Variants in ELP4 observed in about 807,000 individuals in gnomAD.
ELP4 encodes elongator complex protein 4.
ELP4 carries 51 observed loss-of-function variants against 48.9 expected under a neutral mutation model. That is an observed-to-expected ratio of 1.04 (90% CI 0.83 to 1.32). ELP4 has a LOEUF of 1.32. ELP4 is among the 40% of genes most tolerant of loss of function. ELP4 has a pLI of 0.00. For missense variants in ELP4, 519 were observed against 514.6 expected (o/e 1.01, Z -0.08); for synonymous variants, 210 against 189.2 (o/e 1.11, Z -0.90).
chr11:31,778,881 G>A (rs1331547821), intron 9 of ELP4, among the ~76,000 whole-genome samples: 3 of 152,230 alleles, frequency 2.0e-5, no homozygotes, highest in Non-Finnish European at 4.4e-5. Flanking sequence ...AGTTACTAAA[G>A]TTTTAAAGGT....
At position 31,788,105 on chromosome 11, in the gene ELP4, A is replaced by T. The variant is rs1948797486; in HGVS notation, c.*4581A>T. On this transcript the variant is annotated 3_prime_UTR_variant, in exon 10 of 10. Coordinates refer to ENST00000640961, the MANE Select transcript of ELP4 (RefSeq NM_019040.5). ...GTCCTTTTTTACCCAACAAAGGCTT[A>T]TTTTTTTCCATCCTTTGCTTGGGCT... 2 of 223,260 alleles carry T rather than the reference A, an allele frequency of 9.0e-6. No individual in the cohort carries two copies. Among genetic ancestry groups the T allele is most frequent in the Non-Finnish European group, 1.8e-5 (2 of 111,734 alleles). 13.8% of individuals were successfully genotyped at this position (223,260 alleles called of 1,614,324 possible).
intron 9 of ELP4, among the ~76,000 whole-genome samples, chr11:31,679,728 G>A (rs1946017840): frequency 6.6e-6 from 1 of 152,136 alleles, no homozygotes; most frequent in South Asian, 2.1e-4. Context: ...TTTCAGTCCT[G>A]CAACTTTGTT....
intron 9 of ELP4, chr11:31,780,055 T>G (rs1425820505): frequency 1.3e-5 from 2 of 152,234 alleles, no homozygotes; most frequent in African/African-American, 4.8e-5. Context: ...GATTTTTTTG[T>G]GGTCTGATTT....
At chr11:31,583,792 G>A (rs1246042831) in intron 3 of ELP4, among the ~76,000 whole-genome samples, 3 of 152,212 alleles carry the variant, frequency 2.0e-5, no homozygotes, top group African/African-American at 7.2e-5. Context: ...TTCTATTCTA[G>A]AACTGACCAA....
chr11:31,538,448 TA>T (rs1028092207), intron 2 of ELP4, among the ~76,000 whole-genome samples: 5 of 148,896 alleles, frequency 3.4e-5, no homozygotes, highest in African/African-American at 1.2e-4. Context: ...AATTTTGTTT[TA>T]AATGCCATAA....
intron 3 of ELP4, among the ~76,000 whole-genome samples, chr11:31,563,781 A>C (rs1265302428): frequency 6.6e-6 from 1 of 152,096 alleles, no homozygotes; most frequent in African/African-American, 2.4e-5. Flanking sequence ...TATACTTGAG[A>C]ACCATAAGCA....
chr11:31,699,021 A>G (rs146734854), intron 9 of ELP4, among the ~76,000 whole-genome samples: 4 of 152,262 alleles, frequency 2.6e-5, no homozygotes, highest in East Asian at 3.9e-4. Context: ...AGCACACACA[A>G]CAATATACAT....
At chr11:31,571,490 C>T (rs772637282) in intron 3 of ELP4, among the ~76,000 whole-genome samples, 13 of 152,194 alleles carry the variant, frequency 8.5e-5, no homozygotes, top group Non-Finnish European at 1.6e-4. Flanking sequence ...TTCTCCCAAA[C>T]TCCTGTTAAT....
chr11:31,647,924 C>A, intron 8 of ELP4, 75 bp downstream of exon 8: 1 of 793,478 alleles, frequency 1.3e-6, no homozygotes, highest in Non-Finnish European at 2.2e-6. Flanking sequence ...CTATTCAATC[C>A]AAATATCTAC....
At chr11:31,746,963 G>T (rs1378450040) in intron 9 of ELP4, among the ~76,000 whole-genome samples, 1 of 151,992 alleles carries the variant, frequency 6.6e-6, no homozygotes, top group African/African-American at 2.4e-5. Context: ...AGTTGGGGAA[G>T]CATATGATAG....
At chr11:31,629,596 A>T (rs1243192730) in intron 6 of ELP4, among the ~76,000 whole-genome samples, 1 of 151,938 alleles carries the variant, frequency 6.6e-6, no homozygotes, top group Non-Finnish European at 1.5e-5. Flanking sequence ...CTAATTTCAT[A>T]CCTAACAGCA....
At chr11:31,618,609 C>T (rs1944547404) in intron 5 of ELP4, among the ~76,000 whole-genome samples, 2 of 151,814 alleles carry the variant, frequency 1.3e-5, no homozygotes, top group Admixed American at 1.3e-4. Context: ...TAAAGGGGAC[C>T]GACATTCAAA....
intron 3 of ELP4, among the ~76,000 whole-genome samples, chr11:31,563,951 A>G (rs931979798): frequency 6.6e-6 from 1 of 152,192 alleles, no homozygotes; most frequent in Non-Finnish European, 1.5e-5. Context: ...GACAGCTGTA[A>G]TAGTTCAATA....
At chr11:31,632,691 A>C (rs995538420) in intron 7 of ELP4, 2 of 257,790 alleles carry the variant, frequency 7.8e-6, no homozygotes, top group Admixed American at 5.2e-5. Flanking sequence ...GAAGAGCTAA[A>C]GTTTTCAATA....
intron 1 of ELP4, chr11:31,510,711 G>T (rs1163497782): frequency 1.7e-5 from 4 of 234,202 alleles, no homozygotes; most frequent in Non-Finnish European, 3.2e-5. Flanking sequence ...ACATTTTAAC[G>T]AGAAAAGTCT....
At chr11:31,555,704 ATCTC>A (rs1956920731) in intron 3 of ELP4, among the ~76,000 whole-genome samples, 1 of 151,978 alleles carries the variant, frequency 6.6e-6, no homozygotes, top group Non-Finnish European at 1.5e-5. Context: ...GATTTCTAAC[ATCTC>A]TCTGAGAAGA....
chr11:31,511,909 T>C (rs1299921636), intron 1 of ELP4: 2 of 152,212 alleles, frequency 1.3e-5, no homozygotes, highest in African/African-American at 4.8e-5. Context: ...TTACTGTTCA[T>C]TAAGATGGTA....
intron 9 of ELP4, chr11:31,650,949 G>A (rs1251097408): frequency 6.6e-6 from 1 of 151,606 alleles, no homozygotes; most frequent in Non-Finnish European, 1.5e-5. Context: ...AAACAGCCAA[G>A]CAGCCTTGAC....
chr11:31,689,691 A>G (rs539665665), intron 9 of ELP4, among the ~76,000 whole-genome samples: 1 of 152,296 alleles, frequency 6.6e-6, no homozygotes, highest in South Asian at 2.1e-4. Flanking sequence ...GTAGTATGGT[A>G]TAGTGATTTA....
Sources: gnomAD v4.1 joint callset for allele counts (sites outside exome capture counted in the v4.1 genomes callset) on GRCh38, gnomAD v4.1.1 for gene constraint, MANE v1.5 for transcripts, NCBI Gene and HGNC (gene_info 2026-07-23, HGNC 2026-07-21) for gene names.